ERCC1: variants seen among roughly 807,000 people sequenced by gnomAD.
ERCC1 encodes ERCC excision repair 1, endonuclease non-catalytic subunit.
In ERCC1, 36 loss-of-function variants were observed where a neutral mutation model predicts 37.6. The observed-to-expected ratio is 0.96, with a 90% CI of 0.73 to 1.26. ERCC1 has a LOEUF of 1.26. ERCC1 is among the 50% of genes most tolerant of loss of function. The pLI is 0.00. For missense variants in ERCC1, 349 were observed against 376.5 expected, an observed-to-expected ratio of 0.93 and a Z score of 0.60; for synonymous variants, 156 against 162.1, an observed-to-expected ratio of 0.96 and a Z score of 0.28.
In ERCC1 at chr19:45,408,490, G is replaced by T. The variant is rs143757857; in HGVS notation, c.*1185C>A. 3.7e-4 allele frequency: 602 copies of T among 1,613,976 alleles called. 1 individual carries two copies. In the African/African-American group the frequency reaches 6.8e-3, roughly 18 times the overall value. On this transcript the variant is annotated 3_prime_UTR_variant, in exon 10 of 10. Transcript: ENST00000300853. The stretch of plus-strand genomic sequence containing the variant: ...CCCCCAACCTGCTCACCTCAGGGAA[G>T]AAGAAAAAGGAGATGCAGGTGACAG...
rs1973516463 is a variant in ERCC1, at chr19:45,408,968, A to G, written c.*707T>C. ...CCCTACGAAGAAGAGGAAAAAAGAA[A>G]AGGGACAGATGGCAATGATGGAGCC... On this transcript the variant is annotated 3_prime_UTR_variant, in exon 10 of 10. Transcript: ENST00000300853. 6.2e-7 allele frequency: 1 copy of G among 1,614,002 alleles called. No homozygotes were observed. Among genetic ancestry groups the G allele is most frequent in the African/African-American group, 1.3e-5 (1 of 75,000 alleles).
intron 1 of ERCC1, among the ~76,000 whole-genome samples, chr19:45,441,997 A>AT (rs142182964): frequency 0.08 from 11,865 of 149,178 alleles, 1,531 homozygotes; most frequent in African/African-American, 0.28. Context: ...TTTTTATTTT[A>AT]TTTTTTTTAA....
At chr19:45,446,407 TA>T (rs1044608712) in intron 1 of ERCC1, among the ~76,000 whole-genome samples, 1 of 152,184 alleles carries the variant, frequency 6.6e-6, no homozygotes. Flanking sequence ...AAGCCATCAG[TA>T]GATGGCAGCA....
chr19:45,449,169 T>G (rs1967037512), intron 1 of ERCC1: 1 of 152,224 alleles, frequency 6.6e-6, no homozygotes, highest in Admixed American at 6.6e-5. Flanking sequence ...GGCAAGGCAC[T>G]TACTTGGGGT....
intron 1 of ERCC1, chr19:45,436,519 G>C (rs1373846193): frequency 6.6e-6 from 1 of 152,242 alleles, no homozygotes; most frequent in Non-Finnish European, 1.5e-5. Context: ...CCAGCTACTC[G>C]TGAGGCTGAG....
chr19:45,448,904 C>T (rs1967028976), intron 1 of ERCC1, among the ~76,000 whole-genome samples: 1 of 152,210 alleles, frequency 6.6e-6, no homozygotes, highest in Middle Eastern at 3.4e-3. Flanking sequence ...TTAGCAATCT[C>T]AGCCTTACCA....
At chr19:45,416,562 T>A in intron 6 of ERCC1, 2 of 464,298 alleles carry the variant, frequency 4.3e-6, no homozygotes, top group Non-Finnish European at 3.9e-6. Context: ...TGAGGCAGAA[T>A]TGCTTGAACC....
In ERCC1 at chr19:45,423,901, G is replaced by C. The variant is rs372444203; in HGVS notation, c.-128C>G. The stretch of plus-strand genomic sequence containing the variant: ...CTGCCAGCACGGCCAGCGTGGCCCA[G>C]GGCTCGCAGCACTTCCGGCCTCTCT... On this transcript the variant is annotated 5_prime_UTR_variant, in exon 1 of 10. Coordinates refer to ENST00000300853, the MANE Select transcript of ERCC1 (RefSeq NM_001983.4). 90 of 1,104,732 alleles carry C rather than the reference G, an allele frequency of 8.1e-5. No homozygotes were observed. Among genetic ancestry groups the C allele is most frequent in the Non-Finnish European group, 9.3e-5 (84 of 901,084 alleles). The allele number at this position is 1,104,732 out of a possible 1,614,324, so 68.4% of individuals were successfully genotyped here. A position where few individuals can be genotyped will look rare whatever the true frequency, so the allele number is the denominator to read the frequency against.
At chr19:45,431,110 G>T (rs929324886) in intron 1 of ERCC1, among the ~76,000 whole-genome samples, 1 of 152,044 alleles carries the variant, frequency 6.6e-6, no homozygotes, top group African/African-American at 2.4e-5. Context: ...GCACCACCAT[G>T]CCCGGCTAAT....
In ERCC1 at chr19:45,421,278, G is replaced by A. The variant is rs1034290703; in HGVS notation, c.221C>T (p.Ala74Val). The change falls in exon 3 of 10, where the codon GCC becomes GTC. Residue 74 changes from alanine (A) to valine (V), a missense_variant. Physicochemically the swap from Ala to Val is moderately conservative, Grantham distance 64. Transcript: ENST00000300853. ...AISQPLEGAG[A>V]TCPTGSEPLA... ...GGGCTCTGACCCTGTGGGGCACGTG[G>A]CCCCAGCCCCTTCCAGAGGCTGTGA... 1.2e-6 allele frequency: 2 copies of A among 1,614,132 alleles called. No homozygotes were observed. The highest frequency in any genetic ancestry group is 1.7e-6 in the Non-Finnish European group (2 of 1,180,024).
chr19:45,408,911 G>T lies in ERCC1; in HGVS notation c.*764C>A. Reference sequence around the variant, plus strand: ...AGTTGAGTCTCAGCCACAGGTGAAGGTGGAGCCACTGGAGGAAGCCATCCC... The same window carrying T: ...AGTTGAGTCTCAGCCACAGGTGAAGTTGGAGCCACTGGAGGAAGCCATCCC... On this transcript the variant is annotated 3_prime_UTR_variant, in exon 10 of 10. Coordinates refer to ENST00000300853, the MANE Select transcript of ERCC1 (RefSeq NM_001983.4). The T allele has an allele frequency of 2.5e-6, 4 of 1,614,124 alleles. No homozygotes were observed. Among genetic ancestry groups the T allele is most frequent in the Non-Finnish European group, 3.4e-6 (4 of 1,179,998 alleles).
At chr19:45,413,498 A>T (rs759815021) in intron 9 of ERCC1, 179 bp downstream of exon 9, 1 of 1,384,652 alleles carries the variant, frequency 7.2e-7, no homozygotes, top group South Asian at 1.2e-5. Flanking sequence ...CTGGTCTCCA[A>T]CTTCTGGCCT....
chr19:45,420,385 C>A lies in ERCC1; in HGVS notation c.364G>T (p.Glu122Ter). 6.2e-7 allele frequency: 1 copy of A among 1,613,874 alleles called. No homozygotes were observed. The highest frequency in any genetic ancestry group is 8.5e-7 in the Non-Finnish European group (1 of 1,179,882). Reference protein sequence around the residue: ...VLKFVRNVPWEFGDVIPDYVL... With the variant: ...VLKFVRNVPW The stretch of plus-strand genomic sequence containing the variant: ...TAGTCGGGAATTACGTCGCCAAATT[C>A]CCAGGGCACATTGCGCACGAACTTC... The change falls in exon 4 of 10, where the codon GAA becomes TAA. Residue 122 changes from glutamate to a stop codon, truncating the protein, a stop_gained. Transcript: ENST00000300853. LOFTEE classifies it high-confidence loss of function. This position sits in a 1 kb window ranked among gnomAD's most constrained non-coding sequence, Gnocchi z 4.8.
chr19:45,416,168 G>A (rs1974057917), intron 6 of ERCC1, among the ~76,000 whole-genome samples: 1 of 152,170 alleles, frequency 6.6e-6, no homozygotes, highest in Non-Finnish European at 1.5e-5. Context: ...AGGATGGTAT[G>A]ACTTTGAAGA....
At chr19:45,414,606 G>A (rs540833696) in intron 7 of ERCC1, 20 of 487,404 alleles carry the variant, frequency 4.1e-5, no homozygotes, top group African/African-American at 7.8e-5. Context: ...TGAGCCTGAC[G>A]GGCCCTTGTT....
chr19:45,426,153 G>A (rs960421358), upstream of ERCC1, among the ~76,000 whole-genome samples: 6 of 151,970 alleles, frequency 3.9e-5, no homozygotes, highest in Non-Finnish European at 7.4e-5. Flanking sequence ...GGCCGAGACA[G>A]GCGGATCACG....
intron 2 of ERCC1, 108 bp from the exon 3 acceptor site, chr19:45,421,501 G>C: frequency 2.6e-6 from 2 of 765,266 alleles, no homozygotes; most frequent in Non-Finnish European, 4.1e-6. Flanking sequence ...AGACAGTCTT[G>C]CTCTGTCACC....
rs745767916 is a variant in ERCC1, at chr19:45,421,210, T to C, written c.289A>G (p.Lys97Glu). The change falls in exon 3 of 10, where the codon AAA becomes GAA. Residue 97 changes from lysine (K) to glutamate (E), a missense_variant. Physicochemically the swap from Lys to Glu is moderately conservative, Grantham distance 56 (BLOSUM62 1). Coordinates refer to ENST00000300853, the MANE Select transcript of ERCC1 (RefSeq NM_001983.4). ...GGGCTCACAATGATGCTGTTGGATTTTGCCCCGGGTTTCAGGGCCTGGTTG... is the reference window on the plus strand; with the variant it reads ...GGGCTCACAATGATGCTGTTGGATTCTGCCCCGGGTTTCAGGGCCTGGTTG... ...TPNQALKPGA[K>E]SNSIIVSPRQ... 1 of 1,614,204 alleles carries C rather than the reference T, an allele frequency of 6.2e-7. No homozygotes were observed. The highest frequency in any genetic ancestry group is 1.7e-4 in the Middle Eastern group (1 of 6,042).
intron 1 of ERCC1, among the ~76,000 whole-genome samples, chr19:45,440,732 G>A (rs1170393129): frequency 6.6e-6 from 1 of 152,054 alleles, no homozygotes; most frequent in Non-Finnish European, 1.5e-5. Flanking sequence ...TTTTATTTCA[G>A]ACAAGGCCTT....
Sources: allele counts gnomAD v4.1 joint callset (sites outside exome capture counted in the v4.1 genomes callset), GRCh38; gene constraint gnomAD v4.1.1; non-coding constraint Gnocchi (gnomAD v3.1); transcripts MANE v1.5; gene names NCBI Gene and HGNC (gene_info 2026-07-23, HGNC 2026-07-21).